The following PRDM2 variants were observed in gnomAD, a reference collection of about 807,000 sequenced individuals.
PRDM2 encodes PR/SET domain 2.
A neutral mutation model predicts 130.0 loss-of-function variants in PRDM2; 30 were observed. The observed-to-expected ratio is 0.23, with a 90% CI of 0.17 to 0.31. The LOEUF is 0.31. Ranked by LOEUF, PRDM2 falls within the 10% of genes least tolerant of loss-of-function variation. The pLI is 1.00. For missense variants in PRDM2, 2,011 were observed against 2,108.4 expected (o/e 0.95, Z 0.90); for synonymous variants, 871 against 782.4 (o/e 1.11, Z -1.89).
At chr1:13,808,347 C>T (rs149052946) in intron 8 of PRDM2, among the ~76,000 whole-genome samples, 50 of 151,410 alleles carry the variant, frequency 3.3e-4, no homozygotes, top group African/African-American at 1.1e-3. Context: ...AAAAATTAGC[C>T]GGGCGTGGTG....
At chr1:13,743,171 G>A (rs915963506) in intron 5 of PRDM2, among the ~76,000 whole-genome samples, 2 of 151,990 alleles carry the variant, frequency 1.3e-5, no homozygotes, top group Admixed American at 1.3e-4. Context: ...AGGCCAAGGC[G>A]GGCGGATCAT....
In PRDM2 at chr1:13,731,027, G is replaced by C; in HGVS notation, c.37G>C (p.Glu13Gln). The C allele has an allele frequency of 6.2e-7, 1 of 1,611,488 alleles. No individual in the cohort carries two copies. Among genetic ancestry groups the C allele is most frequent in the South Asian group, 1.1e-5 (1 of 90,982 alleles). Residue 13 changes from glutamate to glutamine, a missense_variant, in exon 3 of 10, where the codon GAG (glutamate) becomes CAG (glutamine). By Grantham distance (29) the Glu-to-Gln change is conservative (BLOSUM62 2). Coordinates refer to ENST00000311066, the MANE Select transcript of PRDM2 (RefSeq NM_001393986.1). Reference protein sequence around the residue: ...QNTTEPVAATETLAEVPEHVL... With the variant: ...QNTTEPVAATQTLAEVPEHVL... ...CACTACTGAGCCTGTGGCGGCCACC[G>C]AGACCCTGGCTGAGGTACCCGAACA...
At chr1:13,769,686 A>G (rs1380245548) in intron 6 of PRDM2, among the ~76,000 whole-genome samples, 1 of 152,220 alleles carries the variant, frequency 6.6e-6, no homozygotes, top group Non-Finnish European at 1.5e-5. Context: ...CATTTCCTTG[A>G]TAAACTAAGT....
chr1:13,724,922 G>T (rs1175375595), intron 2 of PRDM2, among the ~76,000 whole-genome samples: 2 of 152,160 alleles, frequency 1.3e-5, no homozygotes, highest in Admixed American at 6.5e-5. Flanking sequence ...AAGTGGGGGA[G>T]GTGCCCAGGA....
At chr1:13,784,197 C>T (rs960563473) in intron 8 of PRDM2, among the ~76,000 whole-genome samples, 1 of 152,226 alleles carries the variant, frequency 6.6e-6, no homozygotes, top group African/African-American at 2.4e-5. Context: ...TGGAGGTTAG[C>T]TCTGCTGAAA....
At chr1:13,791,270 G>GT (rs1644834441) in intron 8 of PRDM2, among the ~76,000 whole-genome samples, 4 of 152,156 alleles carry the variant, frequency 2.6e-5, no homozygotes, top group African/African-American at 9.7e-5. Flanking sequence ...TTAGTCAGGA[G>GT]TTGCTCCTGG....
At position 13,787,106 on chromosome 1, in the gene PRDM2, A is replaced by G. The variant is rs571634968; in HGVS notation, c.5036+4275A>G. 3.0e-6 allele frequency: 3 copies of G among 985,356 alleles called. No individual in the cohort carries two copies. In the South Asian group the frequency reaches 1.4e-4, roughly 46 times the overall value. The allele number at this position is 985,356 out of a possible 1,614,324, so 61.0% of individuals were successfully genotyped here. On this transcript the variant is annotated intron_variant, in intron 8 of 9. Transcript: ENST00000311066. Reference sequence around the variant, plus strand: ...CACAAGTAGATTGCCAGCGTAATGGAGAGGAAACCAGATTGGATATGGACT... The same window carrying G: ...CACAAGTAGATTGCCAGCGTAATGGGGAGGAAACCAGATTGGATATGGACT...
chr1:13,729,311 A>G (rs1439048489), intron 2 of PRDM2, among the ~76,000 whole-genome samples: 1 of 152,168 alleles, frequency 6.6e-6, no homozygotes, highest in Non-Finnish European at 1.5e-5. Context: ...CCTGGGGAGG[A>G]TAAATGGTGC....
At chr1:13,727,580 C>T (rs995841714) in intron 2 of PRDM2, among the ~76,000 whole-genome samples, 1 of 152,156 alleles carries the variant, frequency 6.6e-6, no homozygotes, top group Admixed American at 6.5e-5. Context: ...TCATTCGCCA[C>T]TGATCGGAAG....
chr1:13,809,992 G>A (rs991250588), intron 8 of PRDM2, among the ~76,000 whole-genome samples: 1 of 151,886 alleles, frequency 6.6e-6, no homozygotes, highest in Admixed American at 6.6e-5. Context: ...TCGAGCACAC[G>A]CATCTTCTTA....
chr1:13,702,681 C>T (rs1307649291), intron 1 of PRDM2, among the ~76,000 whole-genome samples: 1 of 152,076 alleles, frequency 6.6e-6, no homozygotes, highest in Non-Finnish European at 1.5e-5. Context: ...TTTTCAAGTT[C>T]CAAACCTGAT....
chr1:13,733,067 T>A (rs1168312258), intron 4 of PRDM2, among the ~76,000 whole-genome samples, 185 bp downstream of exon 4: 2 of 152,236 alleles, frequency 1.3e-5, no homozygotes, highest in African/African-American at 4.8e-5. Context: ...TGCTTTTGTA[T>A]TTTGAAACTG....
chr1:13,823,371 G>T lies in PRDM2; in HGVS notation c.*236G>T. Reference sequence around the variant, plus strand: ...CGATCCCCGGGGCGGCAGGAAGGGGGCCGACTCCACGCTGTCCTTTGGGAT... The same window carrying T: ...CGATCCCCGGGGCGGCAGGAAGGGGTCCGACTCCACGCTGTCCTTTGGGAT... On this transcript the variant is annotated 3_prime_UTR_variant, in exon 10 of 10. Coordinates refer to ENST00000311066, the MANE Select transcript of PRDM2 (RefSeq NM_001393986.1). The T allele has an allele frequency of 1.5e-6, 1 of 657,850 alleles. No homozygotes were observed. Among genetic ancestry groups the T allele is most frequent in the Non-Finnish European group, 2.7e-6 (1 of 364,170 alleles). 40.8% of individuals were successfully genotyped at this position (657,850 alleles called of 1,614,324 possible). A position where few individuals can be genotyped will look rare whatever the true frequency, so the allele number is the denominator to read the frequency against.
At chr1:13,751,971 C>T (rs1033078721) in intron 6 of PRDM2, among the ~76,000 whole-genome samples, 3 of 151,996 alleles carry the variant, frequency 2.0e-5, no homozygotes, top group African/African-American at 7.3e-5. Context: ...CTCCCCTCCC[C>T]TCCCCTCCCC....
intron 9 of PRDM2, among the ~76,000 whole-genome samples, chr1:13,819,066 T>C (rs1023941102): frequency 6.6e-6 from 1 of 152,154 alleles, no homozygotes; most frequent in African/African-American, 2.4e-5. Context: ...ACCATTTGTG[T>C]CCAGCATCCT....
chr1:13,822,734 G>A (rs1311114904), intron 9 of PRDM2, among the ~76,000 whole-genome samples: 1 of 152,086 alleles, frequency 6.6e-6, no homozygotes, highest in African/African-American at 2.4e-5. Flanking sequence ...TAACAACAAG[G>A]TTGAAAACAT....
In PRDM2 at chr1:13,700,463, G is replaced by T. The variant is rs547592166; in HGVS notation, c.-66+163G>T. ...CCCCCTCAGAGGTCCCGGGCGTGCCGGGGGCCCCGGGACGAGGCGCGGGCC... is the reference window on the plus strand; with the variant it reads ...CCCCCTCAGAGGTCCCGGGCGTGCCTGGGGCCCCGGGACGAGGCGCGGGCC... On this transcript the variant is annotated intron_variant, in intron 1 of 9. Coordinates refer to ENST00000311066, the MANE Select transcript of PRDM2 (RefSeq NM_001393986.1). Among the ~76,000 whole-genome samples, 173 of 150,344 alleles carry T rather than the reference G, an allele frequency of 1.2e-3. 3 individuals are homozygous for T. In the South Asian group the frequency reaches 0.035, roughly 31 times the overall value.
chr1:13,700,873 TGCGCAC>T (rs1386134867), intron 1 of PRDM2, among the ~76,000 whole-genome samples: 5 of 152,288 alleles, frequency 3.3e-5, no homozygotes, highest in East Asian at 1.9e-4. Flanking sequence ...TGTGTGTGTG[TGCGCAC>T]GCGCGCGTGT....
chr1:13,777,192 A>G (rs1644493824), intron 7 of PRDM2, among the ~76,000 whole-genome samples: 1 of 152,104 alleles, frequency 6.6e-6, no homozygotes, highest in Admixed American at 6.5e-5. Context: ...GTCAGCAGGC[A>G]TGTTGTCAAC....
Sources: allele counts gnomAD v4.1 joint callset (sites outside exome capture counted in the v4.1 genomes callset), GRCh38; gene constraint gnomAD v4.1.1; transcripts MANE v1.5; gene names NCBI Gene and HGNC (gene_info 2026-07-23, HGNC 2026-07-21).